LAMA2: variants seen among roughly 807,000 people sequenced by gnomAD.
LAMA2 encodes laminin subunit alpha-2.
A neutral mutation model predicts 364.8 loss-of-function variants in LAMA2; 269 were observed. That is an observed-to-expected ratio of 0.74 (90% CI 0.67 to 0.82). The LOEUF (loss-of-function observed/expected upper bound fraction) is 0.82. Ranked by LOEUF, LAMA2 falls within the 40% of genes least tolerant of loss-of-function variation. The pLI is 0.00. For synonymous variants in LAMA2, 1,379 were observed against 1,370.6 expected (o/e 1.01, Z -0.14); for missense variants, 3,807 against 3,873.2 (o/e 0.98, Z 0.45).
At chr6:128,933,258 G>C (rs566175503) in intron 1 of LAMA2, among the ~76,000 whole-genome samples, 330 of 148,918 alleles carry the variant, frequency 2.2e-3, no homozygotes, top group African/African-American at 7.7e-3. Context: ...GTGTGTGTGT[G>C]TGTGTGTCTG....
chr6:129,226,818 G>C (rs1784323364), intron 12 of LAMA2, among the ~76,000 whole-genome samples: 1 of 152,112 alleles, frequency 6.6e-6, no homozygotes, highest in Non-Finnish European at 1.5e-5. Flanking sequence ...TCTTGAAGTT[G>C]CTCTTCTCGA....
chr6:129,178,262 C>T (rs775997503), intron 10 of LAMA2, among the ~76,000 whole-genome samples: 133 of 152,230 alleles, frequency 8.7e-4, no homozygotes, highest in Non-Finnish European at 1.6e-3. Context: ...TTTAAATAAT[C>T]TTCTAAAGTT....
At chr6:129,327,651 T>G (rs1775380519) in intron 28 of LAMA2, among the ~76,000 whole-genome samples, 1 of 152,186 alleles carries the variant, frequency 6.6e-6, no homozygotes, top group East Asian at 1.9e-4. Flanking sequence ...AAGATGGAAG[T>G]CTTGATTTTG....
At chr6:129,216,417 T>A (rs989065298) in intron 12 of LAMA2, among the ~76,000 whole-genome samples, 3 of 152,210 alleles carry the variant, frequency 2.0e-5, no homozygotes, top group African/African-American at 7.2e-5. Context: ...TTATCTGAAT[T>A]GCCTTAAGCT....
chr6:128,989,865 T>C (rs1783498182), intron 1 of LAMA2, among the ~76,000 whole-genome samples: 2 of 152,288 alleles, frequency 1.3e-5, no homozygotes, highest in Admixed American at 6.5e-5. Flanking sequence ...AGTGAGTACC[T>C]GCTTTCCTGT....
At chr6:128,928,358 A>AAT (rs985301700) in intron 1 of LAMA2, among the ~76,000 whole-genome samples, 8 of 152,264 alleles carry the variant, frequency 5.3e-5, no homozygotes, top group East Asian at 1.9e-4. Flanking sequence ...GTATCTTTAT[A>AAT]ATATATATAT....
chr6:129,395,084 A>G (rs528857862), intron 37 of LAMA2, among the ~76,000 whole-genome samples: 15 of 151,798 alleles, frequency 9.9e-5, no homozygotes, highest in African/African-American at 2.9e-4. Flanking sequence ...TGTTAAGCCA[A>G]CAGGTTTCAT....
intron 29 of LAMA2, among the ~76,000 whole-genome samples, chr6:129,335,266 G>GA (rs1411893508): frequency 6.6e-6 from 1 of 151,996 alleles, no homozygotes. Flanking sequence ...TTTTTTTGAA[G>GA]ACTAAAACCT....
chr6:129,165,548 G>A lies in LAMA2; in HGVS notation c.1207-28G>A, dbSNP rs112735359. 81 of 1,487,308 alleles carry A rather than the reference G, an allele frequency of 5.4e-5. No individual in the cohort carries two copies. The highest frequency in any genetic ancestry group is 6.9e-5 in the Non-Finnish European group (74 of 1,069,330). The allele number at this position is 1,487,308 out of a possible 1,614,324, so 92.1% of individuals were successfully genotyped here. ...AATATTGCTGTTTCTATTACACTTC[G>A]TTAAATTCATTTTAATATTTTTGTT... On this transcript the variant is annotated intron_variant, in intron 8 of 64. Transcript: ENST00000421865.
At chr6:128,887,139 A>C (rs1776192014) in intron 1 of LAMA2, among the ~76,000 whole-genome samples, 1 of 152,228 alleles carries the variant, frequency 6.6e-6, no homozygotes, top group Non-Finnish European at 1.5e-5. Flanking sequence ...GAATACTTAG[A>C]TATTTAGCAT....
rs754986659 is a variant in LAMA2 at position 129,190,239 on chromosome 6, A to T, written c.1502A>T (p.Lys501Ile). 3 of 1,613,702 alleles carry T rather than the reference A, an allele frequency of 1.9e-6. No homozygotes were observed. The highest frequency in any genetic ancestry group is 2.5e-6 in the Non-Finnish European group (3 of 1,179,632). Residue 501 changes from lysine to isoleucine, a missense_variant, in exon 11 of 65, where the codon AAA becomes ATA. Around this residue, in one of 3 missense-constraint regions of LAMA2, gnomAD observed 3,333 missense variants for 3,345.7 expected, o/e 1.00. Transcript: ENST00000421865. ...NVEGGDCSRC[K>I]SGFFNLQEDN... is the part of the protein sequence containing the mutation. ...GAAGGAGGAGACTGTAGTCGTTGCAAATCCGGCTTCTTCAATTTGCAAGAG... is the reference window on the plus strand; with the variant it reads ...GAAGGAGGAGACTGTAGTCGTTGCATATCCGGCTTCTTCAATTTGCAAGAG...
intron 1 of LAMA2, among the ~76,000 whole-genome samples, chr6:128,899,618 C>G (rs1776962797): frequency 6.6e-6 from 1 of 152,046 alleles, no homozygotes; most frequent in Non-Finnish European, 1.5e-5. Context: ...TCCCCCTGAT[C>G]CTTTTATAGT....
rs1471409422 is a variant in LAMA2, at chr6:129,200,318, G to A, written c.1782+7465G>A. On this transcript the variant is annotated intron_variant, in intron 12 of 64. Coordinates refer to ENST00000421865, the MANE Select transcript of LAMA2 (RefSeq NM_000426.4). ...CATATACATGTGTGTATATATATAC[G>A]TGTACACATATACATATACACGTAT... 3.4e-5 allele frequency among the ~76,000 whole-genome samples: 5 copies of A among 145,000 alleles called. No homozygotes were observed. The South Asian group carries it at 6.6e-4, about 19-fold the overall frequency.
At position 128,887,282 on chromosome 6, in the gene LAMA2, A is replaced by T. The variant is rs537601616; in HGVS notation, c.112+3925A>T. On this transcript the variant is annotated intron_variant, in intron 1 of 64. Transcript: ENST00000421865. ...CCATAAACCTGGAATTAATTTTTTT[A>T]AATATTTTTCTTTGCTGCATATGTT... Among the ~76,000 whole-genome samples the T allele has an allele frequency of 1.8e-3, 269 of 152,172 alleles. 1 individual carries two copies. The highest frequency in any genetic ancestry group is 6.0e-3 in the African/African-American group (249 of 41,472).
intron 3 of LAMA2, among the ~76,000 whole-genome samples, chr6:129,062,912 GTTT>G (rs368817743): frequency 3.6e-4 from 47 of 130,032 alleles, no homozygotes; most frequent in African/African-American, 1.2e-3. Context: ...ATTACAGTGG[GTTT>G]TTTTTTTTTT....
At chr6:129,378,350 T>A (rs988079773) in intron 34 of LAMA2, among the ~76,000 whole-genome samples, 2 of 152,110 alleles carry the variant, frequency 1.3e-5, no homozygotes, top group Non-Finnish European at 2.9e-5. Flanking sequence ...CTGTCCTGGG[T>A]GAGATTGATT....
chr6:129,158,304 C>G, intron 8 of LAMA2: 1 of 1,614,056 alleles, frequency 6.2e-7, no homozygotes, highest in Non-Finnish European at 8.5e-7. Context: ...TTCTGTTTCT[C>G]GAAACCAGCT....
intron 22 of LAMA2, among the ~76,000 whole-genome samples, chr6:129,306,345 G>T (rs199712274): frequency 4.2e-4 from 40 of 94,704 alleles, no homozygotes; most frequent in South Asian, 6.9e-4. Flanking sequence ...TTCCAGAAAG[G>T]TGTTTTTTTT....
At chr6:128,938,754 G>A (rs189033104) in intron 1 of LAMA2, among the ~76,000 whole-genome samples, 28 of 152,246 alleles carry the variant, frequency 1.8e-4, no homozygotes, top group African/African-American at 6.7e-4. Context: ...GGAAGGTCCT[G>A]GGAGTACCAA....
Sources: allele counts gnomAD v4.1 joint callset (sites outside exome capture counted in the v4.1 genomes callset), GRCh38; gene constraint gnomAD v4.1.1; regional missense constraint gnomAD v4.1.1; transcripts MANE v1.5; gene names NCBI Gene and HGNC (gene_info 2026-07-23, HGNC 2026-07-21).